OR4C6: variants seen among roughly 807,000 people sequenced by gnomAD.
OR4C6 encodes the protein olfactory receptor 4C6.
OR4C6 carries 20 observed loss-of-function variants against 13.9 expected under a neutral mutation model. The observed-to-expected ratio is 1.43, with a 90% CI of 1.01 to 2.08. The LOEUF is 2.08. OR4C6 is among the 30% of genes most tolerant of loss of function. OR4C6 has a pLI of 0.00. For synonymous variants in OR4C6, 193 were observed against 141.5 expected, an observed-to-expected ratio of 1.36 and a Z score of -2.58; for missense variants, 555 against 381.2, an observed-to-expected ratio of 1.46 and a Z score of -3.80.
At chr11:55,663,153 A>G (rs1270932649) in intron 1 of OR4C6, among the ~76,000 whole-genome samples, 3 of 138,064 alleles carry the variant, frequency 2.2e-5, no homozygotes, top group African/African-American at 7.6e-5. Context: ...GTCTGAATTC[A>G]GGAACATACC....
chr11:55,664,965 AAAGT>A (rs750428068), intron 1 of OR4C6, among the ~76,000 whole-genome samples, 156 bp from the exon 2 acceptor site: 2 of 152,122 alleles, frequency 1.3e-5, no homozygotes, highest in Non-Finnish European at 2.9e-5. Flanking sequence ...TTGCATAAAT[AAAGT>A]ATTTCCCTTT....
chr11:55,665,111 T>C lies in OR4C6; in HGVS notation c.-42-14T>C. 4 of 1,077,360 alleles carry C rather than the reference T, an allele frequency of 3.7e-6. No homozygotes were observed. In the South Asian group the frequency reaches 5.9e-5, roughly 16 times the overall value. The allele number at this position is 1,077,360 out of a possible 1,614,324, so 66.7% of individuals were successfully genotyped here. On this transcript the variant is annotated splice_polypyrimidine_tract_variant and intron_variant, in intron 1 of 1. Coordinates refer to ENST00000314259, the MANE Select transcript of OR4C6 (RefSeq NM_001004704.2). ...AATTAGTCACTAATTATAAATCATA[T>C]CTTGCTTATTTAGGATTCTCAACTC...
In OR4C6 at chr11:55,665,148, T is replaced by C. The variant is rs1225596671; in HGVS notation, c.-19T>C. ...AGGATTCTCAACTCTCAGCTGGAAC[T>C]CATATCAACACCTGAGAAATGGAAA... On this transcript the variant is annotated 5_prime_UTR_variant, in exon 2 of 2. Coordinates refer to ENST00000314259, the MANE Select transcript of OR4C6 (RefSeq NM_001004704.2). 3 of 1,503,892 alleles carry C rather than the reference T, an allele frequency of 2.0e-6. No individual in the cohort carries two copies. Among genetic ancestry groups the C allele is most frequent in the South Asian group, 1.2e-5 (1 of 85,092 alleles). The allele number at this position is 1,503,892 out of a possible 1,614,324, so 93.2% of individuals were successfully genotyped here.
At chr11:55,664,838 G>A (rs150606648) in intron 1 of OR4C6, among the ~76,000 whole-genome samples, 3 of 152,036 alleles carry the variant, frequency 2.0e-5, no homozygotes, top group African/African-American at 4.8e-5. Context: ...AGGTGAGGTA[G>A]GTGCTAAAAA....
At chr11:55,664,765 G>C (rs1011363741) in intron 1 of OR4C6, among the ~76,000 whole-genome samples, 10 of 151,960 alleles carry the variant, frequency 6.6e-5, no homozygotes, top group African/African-American at 2.2e-4. Context: ...GTACGTTCCT[G>C]TTTCTGTAAA....
At chr11:55,663,585 C>T (rs1327903625) in intron 1 of OR4C6, among the ~76,000 whole-genome samples, 4 of 138,310 alleles carry the variant, frequency 2.9e-5, no homozygotes, top group Admixed American at 7.8e-5. Context: ...AACCAGGTTT[C>T]GGAGATGCCA....
At position 55,665,359 on chromosome 11, in the gene OR4C6, T is replaced by A. The variant is rs764063708; in HGVS notation, c.193T>A (p.Ser65Thr). ...SPMYFFLTFLSLLDVMFSSVV... is the reference protein window; with the variant it reads ...SPMYFFLTFLTLLDVMFSSVV... Reference sequence around the variant, plus strand: ...TATGTATTTTTTTCTTACCTTCTTGTCCCTTTTGGATGTCATGTTCTCATC... The same window carrying A: ...TATGTATTTTTTTCTTACCTTCTTGACCCTTTTGGATGTCATGTTCTCATC... The change falls in exon 2 of 2, where the codon TCC becomes ACC. Residue 65 changes from serine (S) to threonine (T), a missense_variant. Physicochemically the swap from Ser to Thr is moderately conservative, Grantham distance 58 (BLOSUM62 1). Transcript: ENST00000314259. 3.7e-6 allele frequency: 6 copies of A among 1,613,694 alleles called. No homozygotes were observed. The Admixed American group carries it at 8.3e-5, about 22-fold the overall frequency.
At position 55,665,525 on chromosome 11, in the gene OR4C6, G is replaced by A. The variant is rs137985207; in HGVS notation, c.359G>A (p.Arg120His). 1.6e-3 allele frequency: 2,638 copies of A among 1,613,796 alleles called. 14 individuals carry two copies. Among genetic ancestry groups the A allele is most frequent in the Middle Eastern group, 3.1e-3 (19 of 6,062 alleles). The change falls in exon 2 of 2, where the codon CGC becomes CAC. Residue 120 changes from arginine (R) to histidine (H), a missense_variant. Arg to His is a conservative substitution (Grantham distance 29, BLOSUM62 0). Transcript: ENST00000314259. ...IILLTVMAYDRYVAICKPLHY... is the reference protein window; with the variant it reads ...IILLTVMAYDHYVAICKPLHY... ...CTCCTCACTGTGATGGCCTATGACCGCTACGTGGCCATCTGTAAGCCCCTG... is the reference window on the plus strand; with the variant it reads ...CTCCTCACTGTGATGGCCTATGACCACTACGTGGCCATCTGTAAGCCCCTG...
At position 55,664,946 on chromosome 11, in the gene OR4C6, G is replaced by T. The variant is rs566129292; in HGVS notation, c.-42-179G>T. ...TTTAGAAAGGGAGGAGAAAAGGCTT[G>T]GGGAAGCCTTGCATAAATAAAGTAT... On this transcript the variant is annotated intron_variant, in intron 1 of 1. Transcript: ENST00000314259. Among the ~76,000 whole-genome samples the T allele has an allele frequency of 2.6e-5, 4 of 152,078 alleles. No individual in the cohort carries two copies. The East Asian group carries it at 7.7e-4, about 29-fold the overall frequency.
rs544883918 is a variant in OR4C6, at chr11:55,664,065, G to A, written c.-42-1060G>A. On this transcript the variant is annotated intron_variant, in intron 1 of 1. Transcript: ENST00000314259. ...TATACTAGGTATGAATCGAAGCCGT[G>A]TGAGCAAAATGCCAGCTCCACCACA... 1.1e-4 allele frequency among the ~76,000 whole-genome samples: 10 copies of A among 91,196 alleles called. 2 individuals carry two copies. In the East Asian group the frequency reaches 4.5e-3, roughly 41 times the overall value. 59.8% of individuals were successfully genotyped at this position (91,196 alleles called of 152,430 possible). A position where few individuals can be genotyped will look rare whatever the true frequency, so the allele number is the denominator to read the frequency against.
chr11:55,664,175 C>G (rs1858705311), intron 1 of OR4C6, among the ~76,000 whole-genome samples: 1 of 151,988 alleles, frequency 6.6e-6, no homozygotes, highest in African/African-American at 2.4e-5. Context: ...AGGTACCTAC[C>G]TCATGTGGTA....
In OR4C6 at chr11:55,663,214, C is replaced by A. The variant is rs1858691418; in HGVS notation, c.-43+966C>A. On this transcript the variant is annotated intron_variant, in intron 1 of 1. Coordinates refer to ENST00000314259, the MANE Select transcript of OR4C6 (RefSeq NM_001004704.2). ...AAAAAATAACAGGGTATGAGTCTGG[C>A]AGGAAGTAAGTGGGACTGATGGTGG... Among the ~76,000 whole-genome samples, 2 of 137,078 alleles carry A rather than the reference C, an allele frequency of 1.5e-5. 1 individual carries two copies. The highest frequency in any genetic ancestry group is 4.8e-4 in the South Asian group (2 of 4,170). The allele number at this position is 137,078 out of a possible 152,430, so 89.9% of individuals were successfully genotyped here.
rs752969636 is a variant in OR4C6 at position 55,666,066 on chromosome 11, G to A, written c.900G>A (p.Trp300Ter). 6.2e-7 allele frequency: 1 copy of A among 1,612,710 alleles called. No homozygotes were observed. The highest frequency in any genetic ancestry group is 1.7e-5 in the Admixed American group (1 of 59,896). Residue 300 changes from tryptophan (W) to a stop codon, truncating the protein, a stop_gained, in exon 2 of 2, where the codon TGG becomes TGA. Coordinates refer to ENST00000314259, the MANE Select transcript of OR4C6 (RefSeq NM_001004704.2). LOFTEE classifies it high-confidence loss of function. ...TGAAAAGTGCCATGAAGAAACTCTG[G>A]ATGAAATGGGAGGCTTTGGCTGGGA... ...AEVKSAMKKL[W>*]MKWEALAGK
chr11:55,662,863 T>A (rs1858687160), intron 1 of OR4C6, among the ~76,000 whole-genome samples: 1 of 138,964 alleles, frequency 7.2e-6, no homozygotes, highest in Non-Finnish European at 1.6e-5. Flanking sequence ...TCGGAGTTAG[T>A]CACATGCCTG....
In OR4C6 at chr11:55,665,831, C is replaced by G; in HGVS notation, c.665C>G (p.Ser222Cys). ...LIASYTVILCSLKSYSSKGRH... is the reference protein window; with the variant it reads ...LIASYTVILCCLKSYSSKGRH... ...GCGTCCTACACGGTCATCCTATGCT[C>G]CCTGAAGTCTTACAGCTCTAAAGGG... The change falls in exon 2 of 2, where the codon TCC becomes TGC. Residue 222 changes from serine to cysteine, a missense_variant. Transcript: ENST00000314259. 1 of 1,613,918 alleles carries G rather than the reference C, an allele frequency of 6.2e-7. No homozygotes were observed. Among genetic ancestry groups the G allele is most frequent in the Non-Finnish European group, 8.5e-7 (1 of 1,180,024 alleles).
In OR4C6 at chr11:55,665,306, T is replaced by C; in HGVS notation, c.140T>C (p.Ile47Thr). 6.2e-7 allele frequency: 1 copy of C among 1,613,536 alleles called. No homozygotes were observed. The highest frequency in any genetic ancestry group is 8.5e-7 in the Non-Finnish European group (1 of 1,179,612). ...GAAAATCTACTTATTGTGGTAACTA[T>C]TATCACAAGTCAGAGTCTGAGGTCA... Reference protein sequence around the residue: ...VLENLLIVVTIITSQSLRSPM... With the variant: ...VLENLLIVVTTITSQSLRSPM... The change falls in exon 2 of 2, where the codon ATT becomes ACT. Residue 47 changes from isoleucine (I) to threonine (T), a missense_variant. Ile to Thr is a moderately conservative substitution (Grantham distance 89, BLOSUM62 -1). Coordinates refer to ENST00000314259, the MANE Select transcript of OR4C6 (RefSeq NM_001004704.2).
rs1184343475 is a variant in OR4C6, at chr11:55,665,527, T to C, written c.361T>C (p.Tyr121His). 5 of 1,613,758 alleles carry C rather than the reference T, an allele frequency of 3.1e-6. No homozygotes were observed. The highest frequency in any genetic ancestry group is 4.2e-6 in the Non-Finnish European group (5 of 1,179,986). The change falls in exon 2 of 2, where the codon TAC (tyrosine) becomes CAC (histidine). Residue 121 changes from tyrosine to histidine, a missense_variant. Transcript: ENST00000314259. ...CCTCACTGTGATGGCCTATGACCGCTACGTGGCCATCTGTAAGCCCCTGCA... is the reference window on the plus strand; with the variant it reads ...CCTCACTGTGATGGCCTATGACCGCCACGTGGCCATCTGTAAGCCCCTGCA... ...ILLTVMAYDR[Y>H]VAICKPLHYT...
In OR4C6 at chr11:55,665,848, T is replaced by A; in HGVS notation, c.682T>A (p.Ser228Thr). The stretch of plus-strand genomic sequence containing the variant: ...CCTATGCTCCCTGAAGTCTTACAGC[T>A]CTAAAGGGCGGCACAAAGCCCTCTC... ...VILCSLKSYS[S>T]KGRHKALSTC... Residue 228 changes from serine (S) to threonine (T), a missense_variant, in exon 2 of 2, where the codon TCT becomes ACT. By Grantham distance (58) the Ser-to-Thr change is moderately conservative. Transcript: ENST00000314259. 1 of 1,613,864 alleles carries A rather than the reference T, an allele frequency of 6.2e-7. No homozygotes were observed. Among genetic ancestry groups the A allele is most frequent in the Non-Finnish European group, 8.5e-7 (1 of 1,179,990 alleles).
At chr11:55,663,750 A>T (rs1858698111) in intron 1 of OR4C6, among the ~76,000 whole-genome samples, 1 of 126,548 alleles carries the variant, frequency 7.9e-6, no homozygotes, top group South Asian at 2.6e-4. Flanking sequence ...GATGAGATTA[A>T]GTAATATATG....
Sources: allele counts gnomAD v4.1 joint callset (sites outside exome capture counted in the v4.1 genomes callset), GRCh38; gene constraint gnomAD v4.1.1; transcripts MANE v1.5; gene names NCBI Gene and HGNC (gene_info 2026-07-23, HGNC 2026-07-21).